The following PDE1C variants were observed in gnomAD, a reference collection of about 807,000 sequenced individuals.
PDE1C encodes the protein phosphodiesterase 1C, also known as dual specificity calcium/calmodulin-dependent 3',5'-cyclic nucleotide phosphodiesterase 1C.
Under a neutral mutation model 93.1 loss-of-function variants are expected in PDE1C, and 62 were observed. That is an observed-to-expected ratio of 0.67 (90% CI 0.54 to 0.82). The LOEUF is 0.82. Ranked by LOEUF, PDE1C falls within the 40% of genes least tolerant of loss-of-function variation. PDE1C has a pLI of 0.00. For synonymous variants in PDE1C, 325 were observed against 310.1 expected (o/e 1.05, Z -0.50); for missense variants, 742 against 884.6 (o/e 0.84, Z 2.04).
intron 4 of PDE1C, 48 bp from the exon 5 acceptor site, chr7:31,878,084 G>A: frequency 7.4e-7 from 1 of 1,345,102 alleles, no homozygotes; most frequent in Non-Finnish European, 1.1e-6. Context: ...TATAAAGTAG[G>A]ATTTGTAATC....
intron 1 of PDE1C, among the ~76,000 whole-genome samples, chr7:32,393,970 G>A (rs1784796991): frequency 6.6e-6 from 1 of 152,188 alleles, no homozygotes; most frequent in Non-Finnish European, 1.5e-5. Context: ...TGTGGGAAAT[G>A]TATACCCTTC....
intron 4 of PDE1C, 117 bp downstream of exon 4, chr7:31,878,879 C>T: frequency 1.0e-6 from 1 of 1,000,094 alleles, no homozygotes; most frequent in Non-Finnish European, 1.5e-6. Flanking sequence ...TGTTTCTACC[C>T]ACAATTTTCA....
intron 2 of PDE1C, among the ~76,000 whole-genome samples, chr7:31,894,372 T>G (rs1014837795): frequency 6.6e-6 from 1 of 152,226 alleles, no homozygotes; most frequent in African/African-American, 2.4e-5. Flanking sequence ...CACCTAATTA[T>G]GGGTCTTCCC....
chr7:31,828,238 C>T, intron 12 of PDE1C, 54 bp downstream of exon 12: 1 of 1,445,818 alleles, frequency 6.9e-7, no homozygotes, highest in Non-Finnish European at 9.7e-7. Context: ...TCTGTGCTTA[C>T]TTCTACAGGC....
chr7:32,055,509 T>C (rs995156179), intron 1 of PDE1C, among the ~76,000 whole-genome samples: 2 of 151,986 alleles, frequency 1.3e-5, no homozygotes, highest in Non-Finnish European at 2.9e-5. Context: ...AATTAAGGAA[T>C]GTATACAAAG....
chr7:31,639,607 G>A, the PDE1C span, among the ~76,000 whole-genome samples: 1 of 147,714 alleles, frequency 6.8e-6, no homozygotes, highest in Non-Finnish European at 1.5e-5. Context: ...CGCAATCTCA[G>A]CTCACTGAAA....
At chr7:32,310,707 G>C (rs1251587081) in intron 1 of PDE1C, among the ~76,000 whole-genome samples, 1 of 151,850 alleles carries the variant, frequency 6.6e-6, no homozygotes, top group Non-Finnish European at 1.5e-5. Context: ...AAACCAACGA[G>C]AACAAAGACA....
At position 32,356,009 on chromosome 7, in the gene PDE1C, C is replaced by T. The variant is rs79884155; in HGVS notation, c.310+71813G>A. On this transcript the variant is annotated intron_variant, in intron 1 of 1. Transcript: ENST00000672256. ...GATGTGTTCCTCATTGAGAGAAAAT[C>T]TACTGATAATATCTTGACAGATAAT... 8.2e-3 allele frequency among the ~76,000 whole-genome samples: 1,245 copies of T among 152,312 alleles called. 17 individuals carry two copies. The highest frequency in any genetic ancestry group is 0.029 in the African/African-American group (1,190 of 41,570).
At chr7:32,360,005 G>A (rs1162165207) in intron 1 of PDE1C, among the ~76,000 whole-genome samples, 2 of 152,010 alleles carry the variant, frequency 1.3e-5, no homozygotes, top group Non-Finnish European at 2.9e-5. Flanking sequence ...AACCAAGTAT[G>A]GCCACCATAC....
chr7:31,798,584 C>A (rs556929625), intron 16 of PDE1C, among the ~76,000 whole-genome samples: 1 of 151,876 alleles, frequency 6.6e-6, no homozygotes, highest in Admixed American at 6.6e-5. Flanking sequence ...CCACCATCCT[C>A]TAAGAATGGT....
At chr7:32,408,440 A>G (rs1785101303) in intron 1 of PDE1C, among the ~76,000 whole-genome samples, 1 of 152,198 alleles carries the variant, frequency 6.6e-6, no homozygotes, top group Non-Finnish European at 1.5e-5. Flanking sequence ...TCCCTGGTAA[A>G]TATCTGGTGG....
At chr7:31,773,255 C>T (rs1025297109) in intron 17 of PDE1C, among the ~76,000 whole-genome samples, 4 of 152,110 alleles carry the variant, frequency 2.6e-5, no homozygotes, top group Admixed American at 6.5e-5. Flanking sequence ...TTTGGAGATG[C>T]TCAGAATGCA....
intron 1 of PDE1C, among the ~76,000 whole-genome samples, chr7:32,347,096 G>T (rs1030102416): frequency 6.6e-5 from 10 of 152,306 alleles, no homozygotes; most frequent in Middle Eastern, 3.4e-3. Context: ...CCTCAATGAA[G>T]TTGTTTTAAA....
chr7:31,666,496 A>T, the PDE1C span, among the ~76,000 whole-genome samples: 4 of 150,236 alleles, frequency 2.7e-5, no homozygotes, highest in Non-Finnish European at 5.9e-5. Context: ...TTACACAATT[A>T]ACTTAATACT....
At chr7:31,875,824 T>C (rs1402165137) in intron 5 of PDE1C, among the ~76,000 whole-genome samples, 1 of 104,326 alleles carries the variant, frequency 9.6e-6, no homozygotes, top group African/African-American at 3.8e-5. Context: ...TATATATATA[T>C]ATATATATAT....
intron 2 of PDE1C, among the ~76,000 whole-genome samples, chr7:31,894,590 T>G (rs1457632772): frequency 6.6e-6 from 1 of 152,206 alleles, no homozygotes; most frequent in Non-Finnish European, 1.5e-5. Context: ...GATTCCTTCT[T>G]TCTCTCTCAG....
chr7:32,323,577 T>C (rs1386607610), intron 1 of PDE1C, among the ~76,000 whole-genome samples: 1 of 152,148 alleles, frequency 6.6e-6, no homozygotes, highest in African/African-American at 2.4e-5. Flanking sequence ...CAGGGTGGCA[T>C]GTTGCCAGCC....
At chr7:32,393,034 G>A (rs1784777776) in intron 1 of PDE1C, among the ~76,000 whole-genome samples, 3 of 116,680 alleles carry the variant, frequency 2.6e-5, no homozygotes, top group Non-Finnish European at 5.0e-5. Flanking sequence ...GGGCAACAGA[G>A]CGAGACTCTG....
At chr7:32,147,270 AAAAAAGAAAGAAAGAAAGAAAGAAAG>A (rs1402800914) in intron 3 of PDE1C, among the ~76,000 whole-genome samples, 7 of 57,864 alleles carry the variant, frequency 1.2e-4, no homozygotes, top group Admixed American at 3.3e-4. Flanking sequence ...GAAAGAAAGA[AAAAAAGAAAGAAAGAAAGAAAGAAAG>A]AAAGAAAGAA....
Sources: allele counts gnomAD v4.1 joint callset (sites outside exome capture counted in the v4.1 genomes callset), GRCh38; gene constraint gnomAD v4.1.1; transcripts MANE v1.5; gene names NCBI Gene and HGNC (gene_info 2026-07-23, HGNC 2026-07-21).